RARB: variants seen among roughly 807,000 people sequenced by gnomAD.
RARB encodes the protein retinoic acid receptor beta.
Under a neutral mutation model 51.9 loss-of-function variants are expected in RARB, and 17 were observed. The observed-to-expected ratio is 0.33, with a 90% CI of 0.22 to 0.49. The LOEUF (loss-of-function observed/expected upper bound fraction) is 0.49, where lower values mean the gene tolerates loss of function less well. RARB is among the 20% of genes least tolerant of loss of function. The pLI is 0.99. For missense variants in RARB, 369 were observed against 550.8 expected (o/e 0.67, Z 3.30); for synonymous variants, 215 against 195.4 (o/e 1.10, Z -0.84).
intron 4 of RARB, among the ~76,000 whole-genome samples, chr3:25,140,324 A>G (rs1391404988): frequency 2.0e-5 from 3 of 152,192 alleles, no homozygotes; most frequent in Non-Finnish European, 4.4e-5. Context: ...AGGAAGTCAA[A>G]ATACCCACAT....
At chr3:25,441,476 T>G (rs543342798) in intron 1 of RARB, 5 of 168,398 alleles carry the variant, frequency 3.0e-5, no homozygotes, top group Admixed American at 1.2e-4. Flanking sequence ...TTGTGGCCAG[T>G]TTCTTCCCGG....
rs1413825514 is a variant in RARB at position 25,146,499 on chromosome 3, G to GTTTTTTTTTTTTTTTTTTTTTTTTTTT, written c.-280+14294_-280+14295insTTTTTTTTTTTTTTTTTTTTTTTTTTT. 5.7e-5 allele frequency among the ~76,000 whole-genome samples: 6 copies of GTTTTTTTTTTTTTTTTTTTTTTTTTTT among 104,384 alleles called. 1 individual carries two copies. Among genetic ancestry groups the GTTTTTTTTTTTTTTTTTTTTTTTTTTT allele is most frequent in the African/African-American group, 1.1e-4 (3 of 28,362 alleles). 68.5% of individuals were successfully genotyped at this position (104,384 alleles called of 152,430 possible). ...CAGGCTATAATTTGCTAAGTTTTTTGTTTGTTTGTTTGTTTTTTTTTTTTT... is the reference window on the plus strand; with the variant it reads ...CAGGCTATAATTTGCTAAGTTTTTTGTTTTTTTTTTTTTTTTTTTTTTTTTTTTTTGTTTGTTTGTTTTTTTTTTTTT... On this transcript the variant is annotated intron_variant, in intron 4 of 11. Transcript: ENST00000383772.
chr3:25,376,842 A>T (rs1163563126), intron 5 of RARB, among the ~76,000 whole-genome samples: 1 of 152,228 alleles, frequency 6.6e-6, no homozygotes, highest in Non-Finnish European at 1.5e-5. Flanking sequence ...TTTGCAAGGA[A>T]ATGAGAACTA....
chr3:25,383,726 A>G (rs6781619), intron 5 of RARB, among the ~76,000 whole-genome samples: 136,141 of 152,178 alleles, frequency 0.89, 61,142 homozygotes, highest in East Asian at 1. Context: ...TCAGGAGTTC[A>G]CGACCAGTCT....
chr3:25,296,151 C>A (rs1161239119), intron 5 of RARB, among the ~76,000 whole-genome samples: 1 of 151,944 alleles, frequency 6.6e-6, no homozygotes, highest in East Asian at 1.9e-4. Flanking sequence ...TTGAGATGAG[C>A]CTTGAAAGAA....
chr3:25,204,387 G>A lies in RARB; in HGVS notation c.178+29812G>A, dbSNP rs924411822. 6.6e-5 allele frequency among the ~76,000 whole-genome samples: 10 copies of A among 152,088 alleles called. No homozygotes were observed. In the East Asian group the frequency reaches 1.3e-3, roughly 21 times the overall value. The stretch of plus-strand genomic sequence containing the variant: ...GAGTTTGAACTTCTTCCTTTAGCTC[G>A]GAGAAGTTTGATTGTCTGAAGCCGC... On this transcript the variant is annotated intron_variant, in intron 5 of 11. Transcript: ENST00000383772.
intron 2 of RARB, among the ~76,000 whole-genome samples, chr3:24,892,927 C>A (rs148469712): frequency 1.1e-4 from 16 of 152,304 alleles, no homozygotes; most frequent in African/African-American, 3.8e-4. Flanking sequence ...TAAGTGGTCT[C>A]TTGGCAATTG....
At chr3:25,479,626 A>T (rs549260100) in intron 2 of RARB, among the ~76,000 whole-genome samples, 67 of 152,312 alleles carry the variant, frequency 4.4e-4, no homozygotes, top group African/African-American at 1.5e-3. Context: ...GACAGCTCTG[A>T]ATTGTTACTT....
intron 1 of RARB, among the ~76,000 whole-genome samples, chr3:24,855,812 C>T (rs1702625946): frequency 7.2e-6 from 1 of 138,400 alleles, no homozygotes; most frequent in Non-Finnish European, 1.5e-5. Flanking sequence ...AGTGCAGTGG[C>T]ACGATCTTGG....
At chr3:24,893,549 T>A (rs893615352) in intron 2 of RARB, among the ~76,000 whole-genome samples, 1 of 152,156 alleles carries the variant, frequency 6.6e-6, no homozygotes, top group African/African-American at 2.4e-5. Context: ...AAAGACAGGG[T>A]CTTGCTTTGT....
chr3:25,526,708 C>T lies in RARB; in HGVS notation c.448+25385C>T, dbSNP rs530225457. Among the ~76,000 whole-genome samples, 3 of 152,180 alleles carry T rather than the reference C, an allele frequency of 2.0e-5. No homozygotes were observed. The South Asian group carries it at 6.2e-4, about 32-fold the overall frequency. On this transcript the variant is annotated intron_variant, in intron 3 of 7. Transcript: ENST00000330688. Reference sequence around the variant, plus strand: ...GATGGATGAGTGGGTGAATGAATGGCTGGTTACTAGTTCTCTGGCTTCCAA... The same window carrying T: ...GATGGATGAGTGGGTGAATGAATGGTTGGTTACTAGTTCTCTGGCTTCCAA...
At chr3:25,245,372 T>G (rs982146703) in intron 5 of RARB, among the ~76,000 whole-genome samples, 1 of 152,200 alleles carries the variant, frequency 6.6e-6, no homozygotes, top group African/African-American at 2.4e-5. Context: ...ATTTTGCCCA[T>G]TAGTTGATGC....
At chr3:25,312,890 G>A (rs1295821796) in intron 5 of RARB, among the ~76,000 whole-genome samples, 1 of 152,090 alleles carries the variant, frequency 6.6e-6, no homozygotes, top group Non-Finnish European at 1.5e-5. Context: ...CGCCAGTCCT[G>A]GTGACCAATG....
chr3:25,564,818 GA>G (rs1288565189), intron 3 of RARB, among the ~76,000 whole-genome samples: 1 of 152,122 alleles, frequency 6.6e-6, no homozygotes, highest in Non-Finnish European at 1.5e-5. Context: ...CACCGTACCT[GA>G]AAGCAGCTTG....
chr3:25,316,318 A>C (rs965344599), intron 5 of RARB, among the ~76,000 whole-genome samples: 9 of 152,172 alleles, frequency 5.9e-5, no homozygotes, highest in Admixed American at 5.2e-4. Flanking sequence ...GAAAGCCTTA[A>C]TTATGGGTGA....
intron 3 of RARB, among the ~76,000 whole-genome samples, chr3:25,524,616 T>TCCTCCCTC (rs1698556395): frequency 7.1e-6 from 1 of 140,222 alleles, no homozygotes; most frequent in Non-Finnish European, 1.6e-5. Flanking sequence ...CCCCCTCCCT[T>TCCTCCCTC]CCTCCCTCCC....
chr3:24,929,729 C>G (rs1462902529), intron 2 of RARB, among the ~76,000 whole-genome samples: 1 of 152,050 alleles, frequency 6.6e-6, no homozygotes, highest in Non-Finnish European at 1.5e-5. Context: ...GATCTGCCCC[C>G]TAGCACTTCT....
intron 2 of RARB, among the ~76,000 whole-genome samples, chr3:24,906,688 C>CA (rs1270978909): frequency 1.3e-5 from 2 of 151,442 alleles, no homozygotes; most frequent in South Asian, 2.1e-4. Context: ...TCTAAAAATA[C>CA]AAAAAAATTA....
At chr3:25,224,825 G>C (rs536551567) in intron 5 of RARB, among the ~76,000 whole-genome samples, 3 of 151,672 alleles carry the variant, frequency 2.0e-5, no homozygotes, top group Admixed American at 2.0e-4. Flanking sequence ...GGCTGGTCTC[G>C]GACTCCTAGG....
Sources: allele counts gnomAD v4.1 joint callset (sites outside exome capture counted in the v4.1 genomes callset), GRCh38; gene constraint gnomAD v4.1.1; transcripts MANE v1.5; gene names NCBI Gene and HGNC (gene_info 2026-07-23, HGNC 2026-07-21).